PABPC4: variants seen among roughly 807,000 people sequenced by gnomAD.
PABPC4 encodes poly(A) binding protein cytoplasmic 4.
A neutral mutation model predicts 74.5 loss-of-function variants in PABPC4; 15 were observed. The ratio of observed to expected loss-of-function variants is 0.20; its 90% confidence interval spans 0.13 to 0.31. The LOEUF is 0.31. PABPC4 is among the 10% of genes least tolerant of loss of function. The pLI, the probability that PABPC4 is intolerant of heterozygous loss-of-function variation, is 1.00. For synonymous variants in PABPC4, 345 were observed against 303.0 expected, an observed-to-expected ratio of 1.14 and a Z score of -1.44; for missense variants, 610 against 853.5, an observed-to-expected ratio of 0.71 and a Z score of 3.55.
intron 5 of PABPC4, 160 bp downstream of exon 5, chr1:39,569,435 T>C (rs1049923345): frequency 4.8e-6 from 3 of 626,628 alleles, no homozygotes; most frequent in African/African-American, 1.8e-5. Flanking sequence ...TACATGAAGT[T>C]AACATGCGGA....
intron 6 of PABPC4, chr1:39,568,563 A>G (rs560431856): frequency 4.7e-6 from 2 of 429,830 alleles, no homozygotes; most frequent in South Asian, 1.1e-4. Context: ...GCTAAAAGCA[A>G]CAGGCTGAGG....
At chr1:39,563,084 C>G (rs1341081788) in intron 12 of PABPC4, 1 of 155,234 alleles carries the variant, frequency 6.4e-6, no homozygotes, top group Non-Finnish European at 1.4e-5. Flanking sequence ...GTGACACCTC[C>G]ACAGCAAATT....
Position 39,562,392 on chromosome 1 carries a change from G to C in PABPC4, c.1693C>G (p.Gln565Glu), listed in dbSNP as rs1377329218. ...LQAPQPAVHV[Q>E]GQEPLTASML... ...GAGGCAGTCAGTGGCTCCTGCCCCTGCACATGGACCGCAGGCTGGGGTGCC... is the reference window on the plus strand; with the variant it reads ...GAGGCAGTCAGTGGCTCCTGCCCCTCCACATGGACCGCAGGCTGGGGTGCC... Residue 565 changes from glutamine to glutamate, a missense_variant, in exon 13 of 16, where the codon CAG (glutamine) becomes GAG (glutamate). Around this residue, in one of 4 missense-constraint regions of PABPC4, gnomAD observed 277 missense variants for 301.8 expected, o/e 0.92. Transcript: ENST00000372858. 1.2e-6 allele frequency: 2 copies of C among 1,613,808 alleles called. No individual in the cohort carries two copies. Among genetic ancestry groups the C allele is most frequent in the Admixed American group, 3.3e-5 (2 of 60,018 alleles).
Position 39,561,958 on chromosome 1 carries a change from CGA to C in PABPC4, c.1893+113_1893+114del, listed in dbSNP as rs1557712456. The C allele has an allele frequency of 5.4e-6, 7 of 1,289,908 alleles. No individual in the cohort carries two copies. The African/African-American group carries it at 8.8e-5, about 16-fold the overall frequency. 79.9% of individuals were successfully genotyped at this position (1,289,908 alleles called of 1,614,324 possible). On this transcript the variant is annotated intron_variant, in intron 14 of 15. Coordinates refer to ENST00000372858, the MANE Select transcript of PABPC4 (RefSeq NM_001135653.2). ...GCCTCCAGTCACAGTCAAGGCATGACGAGAGGGGTCCTGGGGGCAGCAGATCC... is the reference window on the plus strand; with the variant it reads ...GCCTCCAGTCACAGTCAAGGCATGACGAGGGGTCCTGGGGGCAGCAGATCC...
At chr1:39,573,047 A>G (rs1426515587) in intron 1 of PABPC4, 2 of 154,600 alleles carry the variant, frequency 1.3e-5, no homozygotes, top group African/African-American at 4.8e-5. Flanking sequence ...AGTAATTACG[A>G]AACTAATACT....
intron 7 of PABPC4, among the ~76,000 whole-genome samples, chr1:39,567,043 G>A (rs1226803271): frequency 1.3e-5 from 2 of 152,072 alleles, no homozygotes; most frequent in Non-Finnish European, 2.9e-5. Context: ...CACCTGTTTA[G>A]CAAGACCGGC....
At position 39,564,481 on chromosome 1, in the gene PABPC4, C is replaced by G. The variant is rs944073679; in HGVS notation, c.1395G>C (p.Leu465=). 9.9e-6 allele frequency: 16 copies of G among 1,614,220 alleles called. No homozygotes were observed. The highest frequency in any genetic ancestry group is 1.4e-5 in the Non-Finnish European group (16 of 1,180,038). Residue 465 remains leucine (L), a synonymous_variant, in exon 10 of 16, where the codon CTG becomes CTC. Coordinates refer to ENST00000372858, the MANE Select transcript of PABPC4 (RefSeq NM_001135653.2). ...QSGPRPTLRH[L]APTGNAPASR... ...AGGCCGGAGCATTACCAGTTGGAGC[C>G]AGATGGCGAAGAGTTGGACGAGGCC...
chr1:39,565,888 CA>C (rs202188650), intron 7 of PABPC4, among the ~76,000 whole-genome samples: 5 of 151,246 alleles, frequency 3.3e-5, no homozygotes, highest in Admixed American at 6.6e-5. Context: ...ACCAAACCAA[CA>C]AAAAAAACAA....
intron 6 of PABPC4, 136 bp from the exon 7 acceptor site, chr1:39,567,982 A>G (rs1050935853): frequency 3.2e-5 from 19 of 587,748 alleles, no homozygotes; most frequent in African/African-American, 1.3e-4. Flanking sequence ...TCTCGGCCGG[A>G]CGCGGTGGCT....
At chr1:39,571,403 G>A in intron 2 of PABPC4, 54 bp from the exon 3 acceptor site, 3 of 1,605,836 alleles carry the variant, frequency 1.9e-6, no homozygotes, top group Non-Finnish European at 2.6e-6. Context: ...CCTGAGACAT[G>A]AGAACCTCAG....
chr1:39,573,356 T>A (rs906466912), intron 1 of PABPC4, among the ~76,000 whole-genome samples: 3 of 152,196 alleles, frequency 2.0e-5, no homozygotes, highest in Non-Finnish European at 2.9e-5. Flanking sequence ...AAGTAGACAG[T>A]GCGCAGATGG....
chr1:39,572,049 T>C (rs1645949869), intron 2 of PABPC4, among the ~76,000 whole-genome samples: 1 of 152,212 alleles, frequency 6.6e-6, no homozygotes, highest in Non-Finnish European at 1.5e-5. Context: ...GTAGAAGGAA[T>C]AGAGTGAATT....
At chr1:39,562,021 C>G (rs1645775558) in intron 14 of PABPC4, 52 bp downstream of exon 14, 4 of 1,591,788 alleles carry the variant, frequency 2.5e-6, no homozygotes, top group Non-Finnish European at 3.4e-6. Context: ...AAGTTTGCCC[C>G]CAGTCTTCCC....
intron 5 of PABPC4, among the ~76,000 whole-genome samples, 199 bp from the exon 6 acceptor site, chr1:39,569,138 TATAGAA>T (rs1448602888): frequency 6.6e-6 from 1 of 152,172 alleles, no homozygotes; most frequent in African/African-American, 2.4e-5. Flanking sequence ...ATCCAGATAA[TATAGAA>T]ATAGTACAGG....
At chr1:39,565,777 G>A (rs537500640) in intron 7 of PABPC4, among the ~76,000 whole-genome samples, 14 of 152,214 alleles carry the variant, frequency 9.2e-5, no homozygotes, top group South Asian at 4.1e-4. Flanking sequence ...GCAGTGAGCC[G>A]AGATCGCGCC....
Position 39,575,964 on chromosome 1 carries a change from C to A in PABPC4, c.-13G>T. The A allele has an allele frequency of 6.6e-7, 1 of 1,521,672 alleles. No individual in the cohort carries two copies. The highest frequency in any genetic ancestry group is 8.9e-7 in the Non-Finnish European group (1 of 1,129,218). 94.3% of individuals were successfully genotyped at this position (1,521,672 alleles called of 1,614,324 possible). ...CCGCAGCGTTCATCTCCCCGCCCCCCACCACCCCGAGCCCCGCCAGGAGGA... is the reference window on the plus strand; with the variant it reads ...CCGCAGCGTTCATCTCCCCGCCCCCAACCACCCCGAGCCCCGCCAGGAGGA... On this transcript the variant is annotated 5_prime_UTR_variant, in exon 1 of 16. Coordinates refer to ENST00000372858, the MANE Select transcript of PABPC4 (RefSeq NM_001135653.2).
At chr1:39,574,033 C>T (rs1645979701) in intron 1 of PABPC4, among the ~76,000 whole-genome samples, 1 of 152,172 alleles carries the variant, frequency 6.6e-6, no homozygotes, top group African/African-American at 2.4e-5. Context: ...CTCCTTGCCT[C>T]AGGACAACAT....
rs557348822 is a variant in PABPC4 at position 39,563,315 on chromosome 1, C to T, written c.1668+299G>A. ...CAAGGATCCAATAGGTCATTGGATG[C>T]GGAAGTGACCTGGAGGCTCAAACAG... is the stretch of plus-strand genomic sequence containing the variant. On this transcript the variant is annotated intron_variant, in intron 12 of 15. Coordinates refer to ENST00000372858, the MANE Select transcript of PABPC4 (RefSeq NM_001135653.2). 2.1e-4 allele frequency: 69 copies of T among 335,022 alleles called. 1 individual carries two copies. The highest frequency in any genetic ancestry group is 1.2e-3 in the African/African-American group (58 of 47,222). 20.8% of individuals were successfully genotyped at this position (335,022 alleles called of 1,614,324 possible). A position where few individuals can be genotyped will look rare whatever the true frequency, so the allele number is the denominator to read the frequency against.
chr1:39,572,036 T>TA (rs1356802341), intron 2 of PABPC4, among the ~76,000 whole-genome samples: 2 of 152,228 alleles, frequency 1.3e-5, no homozygotes, highest in African/African-American at 2.4e-5. Context: ...ATAGAACAGA[T>TA]ACGTAGAAGG....
Sources: gnomAD v4.1 joint callset for allele counts (sites outside exome capture counted in the v4.1 genomes callset) on GRCh38, gnomAD v4.1.1 for gene constraint, gnomAD v4.1.1 regional missense constraint, MANE v1.5 for transcripts, NCBI Gene and HGNC (gene_info 2026-07-23, HGNC 2026-07-21) for gene names.